The following SGCA variants were observed in gnomAD, a reference collection of about 807,000 sequenced individuals.
SGCA encodes the protein sarcoglycan alpha.
Under a neutral mutation model 38.1 loss-of-function variants are expected in SGCA, and 34 were observed. That is an observed-to-expected ratio of 0.89 (90% confidence interval 0.68 to 1.19). The LOEUF is 1.19. SGCA is among the 50% of genes most tolerant of loss of function. SGCA has a pLI of 0.00. For synonymous variants in SGCA, 209 were observed against 214.6 expected, an observed-to-expected ratio of 0.97 and a Z score of 0.23; for missense variants, 476 against 524.9, an observed-to-expected ratio of 0.91 and a Z score of 0.91.
intron 8 of SGCA, among the ~76,000 whole-genome samples, chr17:50,172,867 G>C (rs974257905): frequency 6.6e-6 from 1 of 152,164 alleles, no homozygotes; most frequent in Non-Finnish European, 1.5e-5. Context: ...CAGTTAAAAG[G>C]CTTTGCTTTT....
chr17:50,174,754 C>T (rs989592504), intron 8 of SGCA, among the ~76,000 whole-genome samples: 3 of 152,186 alleles, frequency 2.0e-5, no homozygotes, highest in Non-Finnish European at 4.4e-5. Context: ...TGTCTACACC[C>T]ACAGCCTATG....
rs1384754579 is a variant in SGCA at position 50,167,560 on chromosome 17, C to T, written c.158-22C>T. 1 of 1,613,560 alleles carries T rather than the reference C, an allele frequency of 6.2e-7. No individual in the cohort carries two copies. The highest frequency in any genetic ancestry group is 1.7e-5 in the Admixed American group (1 of 60,016). On this transcript the variant is annotated intron_variant, in intron 2 of 9. Coordinates refer to ENST00000262018, the MANE Select transcript of SGCA (RefSeq NM_000023.4). This position sits in a 1 kb window ranked among gnomAD's most constrained non-coding sequence, Gnocchi z 4.5. Reference sequence around the variant, plus strand: ...GCAGGGCTCCTGCTGTGACTCGAATCCCCTCTCCTCGCTTCCACCAGCTGT... The same window carrying T: ...GCAGGGCTCCTGCTGTGACTCGAATTCCCTCTCCTCGCTTCCACCAGCTGT...
At chr17:50,166,820 C>T (rs1363816778) in intron 1 of SGCA, among the ~76,000 whole-genome samples, 3 of 112,440 alleles carry the variant, frequency 2.7e-5, no homozygotes, top group Non-Finnish European at 5.6e-5. Context: ...CACACACCGT[C>T]ACACACACAC....
chr17:50,175,556 T>A (rs1250125494), intron 9 of SGCA, 107 bp downstream of exon 9: 2 of 1,031,416 alleles, frequency 1.9e-6, no homozygotes, highest in East Asian at 2.6e-5. Context: ...AAGAGGCACA[T>A]AGACTTGTCT....
chr17:50,166,074 G>A lies in SGCA; in HGVS notation c.34G>A (p.Val12Met), dbSNP rs766209304. ...AETLFWTPLL[V>M]VLLAGLGDTE... ...GACACTCTTCTGGACTCCTCTCCTC[G>A]TGGGCAAGTTGGGGCCTTGTTCAGC... Residue 12 changes from valine to methionine, a missense_variant, in exon 1 of 10, where the codon GTG becomes ATG. Transcript: ENST00000262018. 5.1e-5 allele frequency: 83 copies of A among 1,613,438 alleles called. 1 individual carries two copies. Among genetic ancestry groups the A allele is most frequent in the Admixed American group, 3.2e-4 (19 of 60,000 alleles).
rs542404148 is a variant in SGCA, at chr17:50,175,789, A to G, written c.*90A>G. On this transcript the variant is annotated 3_prime_UTR_variant, in exon 10 of 10. Transcript: ENST00000262018. The stretch of plus-strand genomic sequence containing the variant: ...GTGGCACATCCCACCTGCTGATTCC[A>G]GCTCCTGGCCCTCCTGGAACCCAGG... 114 of 513,308 alleles carry G rather than the reference A, an allele frequency of 2.2e-4. No individual in the cohort carries two copies. Among genetic ancestry groups the G allele is most frequent in the Non-Finnish European group, 3.9e-4 (104 of 264,062 alleles). 31.8% of individuals were successfully genotyped at this position (513,308 alleles called of 1,614,324 possible).
rs763694408 is a variant in SGCA, at chr17:50,168,423, G to A, written c.435G>A (p.Ala145=). The change falls in exon 5 of 10, where the codon GCG becomes GCA. Residue 145 remains alanine, a synonymous_variant. Coordinates refer to ENST00000262018, the MANE Select transcript of SGCA (RefSeq NM_000023.4). ...AGTTCCTGGTGCGCAGCCACGATGCGGAGGAGGTGCTGCCCTCAACACCTG... is the reference window on the plus strand; with the variant it reads ...AGTTCCTGGTGCGCAGCCACGATGCAGAGGAGGTGCTGCCCTCAACACCTG... ...QAEFLVRSHD[A]EEVLPSTPAS... 1.1e-5 allele frequency: 17 copies of A among 1,591,478 alleles called. No homozygotes were observed. The highest frequency in any genetic ancestry group is 4.5e-5 in the East Asian group (2 of 44,016).
In SGCA at chr17:50,167,578, C is replaced by A. The variant is rs776411719; in HGVS notation, c.158-4C>A. 21 of 1,613,416 alleles carry A rather than the reference C, an allele frequency of 1.3e-5. No homozygotes were observed. Among genetic ancestry groups the A allele is most frequent in the Non-Finnish European group, 1.8e-5 (21 of 1,180,022 alleles). On this transcript the variant is annotated splice_polypyrimidine_tract_variant and splice_region_variant and intron_variant, in intron 2 of 9. Coordinates refer to ENST00000262018, the MANE Select transcript of SGCA (RefSeq NM_000023.4). The surrounding 1 kb of genome is among the most constrained non-coding windows in gnomAD (Gnocchi z 4.5). ...CTCGAATCCCCTCTCCTCGCTTCCA[C>A]CAGCTGTCCCACCCGCTGTCCACAT...
In SGCA at chr17:50,167,265, CT is replaced by C; in HGVS notation, c.38-102del. On this transcript the variant is annotated intron_variant, in intron 1 of 9. Coordinates refer to ENST00000262018, the MANE Select transcript of SGCA (RefSeq NM_000023.4). This position sits in a 1 kb window ranked among gnomAD's most constrained non-coding sequence, Gnocchi z 4.5. ...GGGAGGCAGCAAAGGAAGCGCTTCTCTCGGTCCCTTAGGGGCTCCAAGGACT... is the reference window on the plus strand; with the variant it reads ...GGGAGGCAGCAAAGGAAGCGCTTCTCCGGTCCCTTAGGGGCTCCAAGGACT... The C allele has an allele frequency of 6.5e-7, 1 of 1,543,988 alleles. No homozygotes were observed. The highest frequency in any genetic ancestry group is 1.4e-5 in the African/African-American group (1 of 73,750).
intron 6 of SGCA, 193 bp downstream of exon 6, chr17:50,169,447 C>CACACG: frequency 2.3e-6 from 1 of 427,512 alleles, no homozygotes; most frequent in Non-Finnish European, 3.9e-6. Context: ...ACACACACAC[C>CACACG]CCTGAAGTTC....
At position 50,168,870 on chromosome 17, in the gene SGCA, C is replaced by T. The variant is rs2696296; in HGVS notation, c.585-222C>T. 0.61 allele frequency among the ~76,000 whole-genome samples: 92,926 copies of T among 151,676 alleles called. 28,634 individuals are homozygous for T. Among genetic ancestry groups the T allele is most frequent in the Middle Eastern group, 0.69 (202 of 294 alleles). ...AAGACCCCCTAGAAGAATGGGGTGC[C>T]CTGTGTACTCTCACCATGATCTCAG... On this transcript the variant is annotated intron_variant, in intron 5 of 9. Coordinates refer to ENST00000262018, the MANE Select transcript of SGCA (RefSeq NM_000023.4).
At chr17:50,166,701 C>G in intron 1 of SGCA, among the ~76,000 whole-genome samples, 2 of 147,030 alleles carry the variant, frequency 1.4e-5, no homozygotes, top group Admixed American at 6.8e-5. Context: ...CACACACACC[C>G]TCACGGCACC....
rs1388555738 is a variant in SGCA at position 50,167,483 on chromosome 17, T to A, written c.153T>A (p.His51Gln). The change falls in exon 2 of 10, where the codon CAT becomes CAA. Residue 51 changes from histidine to glutamine, a missense_variant. By Grantham distance (24) the His-to-Gln change is conservative. Coordinates refer to ENST00000262018, the MANE Select transcript of SGCA (RefSeq NM_000023.4). This position sits in a 1 kb window ranked among gnomAD's most constrained non-coding sequence, Gnocchi z 4.5. Reference sequence around the variant, plus strand: ...AGACGTTTCTGAGCCTTCCTGAGCATGTCGGTGAGCGGCCTGACAGGCACC... The same window carrying A: ...AGACGTTTCTGAGCCTTCCTGAGCAAGTCGGTGAGCGGCCTGACAGGCACC... ...DHETFLSLPE[H>Q]VAVPPAVHIT... 2 of 1,614,046 alleles carry A rather than the reference T, an allele frequency of 1.2e-6. No homozygotes were observed. Among genetic ancestry groups the A allele is most frequent in the African/African-American group, 2.7e-5 (2 of 74,908 alleles).
chr17:50,170,046 G>A, intron 6 of SGCA, 97 bp from the exon 7 acceptor site: 6 of 1,016,644 alleles, frequency 5.9e-6, no homozygotes, highest in South Asian at 1.3e-5. Context: ...GCTGGACTTT[G>A]TGTCTCCTGC....
chr17:50,167,402 G>A lies in SGCA; in HGVS notation c.72G>A (p.Gln24=), dbSNP rs1904984718. Residue 24 remains glutamine, a synonymous_variant, in exon 2 of 10, where the codon CAG becomes CAA. Coordinates refer to ENST00000262018, the MANE Select transcript of SGCA (RefSeq NM_000023.4). The surrounding 1 kb of genome is among the most constrained non-coding windows in gnomAD (Gnocchi z 4.5). ...CAGGGCTGGGGGACACCGAGGCCCA[G>A]CAGACCACGCTACACCCACTTGTGG... ...LLAGLGDTEA[Q]QTTLHPLVGR... The A allele has an allele frequency of 3.1e-6, 5 of 1,614,072 alleles. No homozygotes were observed. Among genetic ancestry groups the A allele is most frequent in the Non-Finnish European group, 4.2e-6 (5 of 1,180,040 alleles).
chr17:50,170,798 C>G (rs1905322546), intron 8 of SGCA, 132 bp downstream of exon 8: 1 of 791,310 alleles, frequency 1.3e-6, no homozygotes, highest in Non-Finnish European at 2.1e-6. Flanking sequence ...TTCCCTTGAC[C>G]TCTGTAATCC....
intron 6 of SGCA, 191 bp downstream of exon 6, chr17:50,169,445 A>ACACACACACACACC (rs369628436): frequency 4.5e-5 from 26 of 574,532 alleles, no homozygotes; most frequent in Non-Finnish European, 6.4e-5. Context: ...ACACACACAC[A>ACACACACACACACC]CCCCTGAAGT....
At chr17:50,172,713 A>C (rs1451591320) in intron 8 of SGCA, among the ~76,000 whole-genome samples, 2 of 152,230 alleles carry the variant, frequency 1.3e-5, no homozygotes, top group African/African-American at 4.8e-5. Context: ...ACTGGGTTGA[A>C]GAATACAAGC....
chr17:50,175,312 A>G lies in SGCA; in HGVS notation c.1039A>G (p.Met347Val), dbSNP rs1366761359. 1 of 1,609,178 alleles carries G rather than the reference A, an allele frequency of 6.2e-7. No homozygotes were observed. Among genetic ancestry groups the G allele is most frequent in the Non-Finnish European group, 8.5e-7 (1 of 1,178,668 alleles). Reference protein sequence around the residue: ...IHGNTEELRQMAASREVPRPL... With the variant: ...IHGNTEELRQVAASREVPRPL... ...CGGGAACACAGAGGAGCTGCGGCAG[A>G]TGGCGGCCAGCCGCGAGGTGCCCCG... is the stretch of plus-strand genomic sequence containing the variant. Residue 347 changes from methionine (M) to valine (V), a missense_variant, in exon 9 of 10, where the codon ATG (methionine) becomes GTG (valine). Transcript: ENST00000262018.
Sources: gnomAD v4.1 joint callset for allele counts (sites outside exome capture counted in the v4.1 genomes callset) on GRCh38, gnomAD v4.1.1 for gene constraint, Gnocchi (gnomAD v3.1) non-coding constraint, MANE v1.5 for transcripts, NCBI Gene and HGNC (gene_info 2026-07-23, HGNC 2026-07-21) for gene names.